Variants in KL observed in about 807,000 individuals in gnomAD.
KL encodes the protein alpha-klotho.
A neutral mutation model predicts 84.2 loss-of-function variants in KL; 62 were observed. The ratio of observed to expected loss-of-function variants is 0.74; its 90% confidence interval spans 0.60 to 0.91. The LOEUF is 0.91. KL is among the 40% of genes least tolerant of loss of function. The pLI is 0.00. For missense variants in KL, 1,261 were observed against 1,305.7 expected (o/e 0.97, Z 0.53); for synonymous variants, 528 against 528.0 (o/e 1.00, Z 0.00).
intron 1 of KL, among the ~76,000 whole-genome samples, chr13:33,052,522 A>G (rs903806003): frequency 9.2e-5 from 14 of 152,242 alleles, no homozygotes; most frequent in Non-Finnish European, 1.5e-5. Flanking sequence ...GAAATGAAAC[A>G]TAGTAGATAT....
intron 1 of KL, among the ~76,000 whole-genome samples, chr13:33,021,012 C>T (rs898863403): frequency 9.2e-5 from 14 of 152,224 alleles, no homozygotes; most frequent in Middle Eastern, 6.8e-3. Flanking sequence ...TGCCTCCTCC[C>T]GCGCTCTTCC....
At chr13:33,036,573 A>G (rs557497491) in intron 1 of KL, among the ~76,000 whole-genome samples, 7 of 152,214 alleles carry the variant, frequency 4.6e-5, no homozygotes, top group Admixed American at 2.0e-4. Context: ...CAGCAAAACA[A>G]TCTCAGGGAA....
chr13:33,058,496 G>A (rs757785056), intron 3 of KL, among the ~76,000 whole-genome samples: 9 of 151,566 alleles, frequency 5.9e-5, no homozygotes, highest in Non-Finnish European at 1.0e-4. Context: ...GCCCGCCACC[G>A]CACCCGGCTA....
At position 33,061,419 on chromosome 13, in the gene KL, A is replaced by G; in HGVS notation, c.2340A>G (p.Gln780=). The G allele has an allele frequency of 1.9e-6, 3 of 1,614,250 alleles. No individual in the cohort carries two copies. Among genetic ancestry groups the G allele is most frequent in the South Asian group, 1.1e-5 (1 of 91,088 alleles). ...GGGTGATGAGGGACTGGCTGAACCA[A>G]AGAAACAATTTTCTTCTTCCTTATT... The part of the protein sequence containing the change: ...YPWVMRDWLN[Q]RNNFLLPYFT... The change falls in exon 4 of 5, where the codon CAA becomes CAG. Residue 780 remains glutamine, a synonymous_variant. Coordinates refer to ENST00000380099, the MANE Select transcript of KL (RefSeq NM_004795.4).
chr13:33,046,952 C>T (rs1871554271), intron 1 of KL, among the ~76,000 whole-genome samples: 1 of 152,012 alleles, frequency 6.6e-6, no homozygotes, highest in African/African-American at 2.4e-5. Flanking sequence ...TGTGAATATT[C>T]TAGTTTTCCT....
intron 1 of KL, among the ~76,000 whole-genome samples, chr13:33,032,052 T>C (rs1173050779): frequency 6.6e-6 from 1 of 152,032 alleles, no homozygotes; most frequent in Non-Finnish European, 1.5e-5. Flanking sequence ...CCAGTGTACA[T>C]TCCATGACTC....
rs199843173 is a variant in KL, at chr13:33,061,024, C to T, written c.1945C>T (p.Arg649Cys). Reference sequence around the variant, plus strand: ...TATGGCCCCGAACCAAGGACTGCCGCGCCTCCTGGCCAGGCAGGGCGCCTG... The same window carrying T: ...TATGGCCCCGAACCAAGGACTGCCGTGCCTCCTGGCCAGGCAGGGCGCCTG... ...QPMAPNQGLP[R>C]LLARQGAWEN... The change falls in exon 4 of 5, where the codon CGC becomes TGC. Residue 649 changes from arginine to cysteine, a missense_variant. Arg to Cys is a radical substitution (Grantham distance 180). Transcript: ENST00000380099. 553 of 1,612,294 alleles carry T rather than the reference C, an allele frequency of 3.4e-4. 1 individual carries two copies. The highest frequency in any genetic ancestry group is 6.8e-4 in the South Asian group (62 of 90,980).
chr13:33,043,853 T>A (rs1005330051), intron 1 of KL, among the ~76,000 whole-genome samples: 1 of 152,178 alleles, frequency 6.6e-6, no homozygotes, highest in African/African-American at 2.4e-5. Flanking sequence ...TAAAGGCAAA[T>A]CACATACTGA....
In KL at chr13:33,017,043, G is replaced by T; in HGVS notation, c.603G>T (p.Gln201His). Residue 201 changes from glutamine to histidine, a missense_variant, in exon 1 of 5, where the codon CAG becomes CAT. Gln to His is a conservative substitution (Grantham distance 24). Transcript: ENST00000380099. Reference protein sequence around the residue: ...LYHWDLPQRLQDAYGGWANRA... With the variant: ...LYHWDLPQRLHDAYGGWANRA... ...ACTGGGACCTGCCCCAGCGCCTGCA[G>T]GACGCCTACGGCGGCTGGGCCAACC... 1 of 1,601,954 alleles carries T rather than the reference G, an allele frequency of 6.2e-7. No individual in the cohort carries two copies. The highest frequency in any genetic ancestry group is 8.5e-7 in the Non-Finnish European group (1 of 1,177,934).
rs1262127795 is a variant in KL at position 33,065,053 on chromosome 13, A to T, written c.*867A>T. The T allele has an allele frequency of 4.4e-6, 1 of 228,520 alleles. No homozygotes were observed. The highest frequency in any genetic ancestry group is 8.7e-6 in the Non-Finnish European group (1 of 115,086). 14.2% of individuals were successfully genotyped at this position (228,520 alleles called of 1,614,324 possible). On this transcript the variant is annotated 3_prime_UTR_variant, in exon 5 of 5. Coordinates refer to ENST00000380099, the MANE Select transcript of KL (RefSeq NM_004795.4). ...AGTGCTTATTATGTGCAACATTATG[A>T]TTAATCTGATTATACACCATTTTTG... is the stretch of plus-strand genomic sequence containing the variant.
At chr13:33,058,699 A>AT (rs1466048619) in intron 3 of KL, among the ~76,000 whole-genome samples, 1 of 151,988 alleles carries the variant, frequency 6.6e-6, no homozygotes, top group Admixed American at 6.6e-5. Flanking sequence ...AGTCTTTCAT[A>AT]TTTGTTTTCA....
At chr13:33,046,738 G>T in intron 1 of KL, among the ~76,000 whole-genome samples, 1 of 126,864 alleles carries the variant, frequency 7.9e-6, no homozygotes. Flanking sequence ...AAGTTATTGA[G>T]ATATATCTTG....
At chr13:33,047,777 A>T (rs1871591326) in intron 1 of KL, among the ~76,000 whole-genome samples, 1 of 151,888 alleles carries the variant, frequency 6.6e-6, no homozygotes, top group African/African-American at 2.4e-5. Flanking sequence ...TTATTTCTGC[A>T]TCTTTTGGAA....
chr13:33,042,977 C>T (rs578126480), intron 1 of KL, among the ~76,000 whole-genome samples: 12 of 152,222 alleles, frequency 7.9e-5, no homozygotes, highest in Non-Finnish European at 1.6e-4. Context: ...CCACTGTGCC[C>T]GGCCAGCATC....
In KL at chr13:33,054,137, T is replaced by G; in HGVS notation, c.1190T>G (p.Leu397Arg). The G allele has an allele frequency of 6.2e-7, 1 of 1,614,122 alleles. No individual in the cohort carries two copies. Among genetic ancestry groups the G allele is most frequent in the Non-Finnish European group, 8.5e-7 (1 of 1,180,026 alleles). ...TTGGAATCTCCCAACCTGAGGCAAC[T>G]GCTTTCCTGGATTGACCTTGAATTT... Reference protein sequence around the residue: ...RQLESPNLRQLLSWIDLEFNH... With the variant: ...RQLESPNLRQRLSWIDLEFNH... Residue 397 changes from leucine (L) to arginine (R), a missense_variant, in exon 2 of 5, where the codon CTG (leucine) becomes CGG (arginine). By Grantham distance (102) the Leu-to-Arg change is moderately radical. Transcript: ENST00000380099.
chr13:33,052,624 A>G (rs901235187), intron 1 of KL, among the ~76,000 whole-genome samples: 4 of 152,234 alleles, frequency 2.6e-5, no homozygotes, highest in Non-Finnish European at 2.9e-5. Context: ...TGATGAGGCC[A>G]TTCTTGGATG....
intron 1 of KL, among the ~76,000 whole-genome samples, chr13:33,017,912 T>G (rs759255231): frequency 1.2e-4 from 19 of 152,228 alleles, no homozygotes; most frequent in Non-Finnish European, 2.5e-4. Flanking sequence ...CAGGGTGATA[T>G]AGATTGTTCT....
chr13:33,055,669 A>G (rs78425544), intron 3 of KL, among the ~76,000 whole-genome samples: 8,540 of 152,284 alleles, frequency 0.056, 320 homozygotes, highest in South Asian at 0.1. Flanking sequence ...AGAACTCCAA[A>G]GCCTCTGAGT....
chr13:33,059,445 A>G (rs1872088753), intron 3 of KL, among the ~76,000 whole-genome samples: 2 of 151,878 alleles, frequency 1.3e-5, no homozygotes, highest in East Asian at 1.9e-4. Context: ...TTCCTTCCAC[A>G]TTCTCCCTCC....
Sources: allele counts gnomAD v4.1 joint callset (sites outside exome capture counted in the v4.1 genomes callset), GRCh38; gene constraint gnomAD v4.1.1; transcripts MANE v1.5; gene names NCBI Gene and HGNC (gene_info 2026-07-23, HGNC 2026-07-21).